The following CDC42BPB variants were observed in gnomAD, a reference collection of about 807,000 sequenced individuals.
The protein encoded by CDC42BPB is serine/threonine-protein kinase MRCK beta.
In CDC42BPB, 37 loss-of-function variants were observed where a neutral mutation model predicts 214.9. That is an observed-to-expected ratio of 0.17 (90% CI 0.13 to 0.23). The LOEUF is 0.23. CDC42BPB is among the 10% of genes least tolerant of loss of function. CDC42BPB has a pLI of 1.00. For synonymous variants in CDC42BPB, 931 were observed against 884.0 expected, an observed-to-expected ratio of 1.05 and a Z score of -0.94; for missense variants, 1,694 against 2,227.0, an observed-to-expected ratio of 0.76 and a Z score of 4.82.
Position 102,934,122 on chromosome 14 carries a change from C to T in CDC42BPB, c.5005-279G>A, listed in dbSNP as rs78341850. ...AGTGAAGAAATCAGATGGGGCCGGA[C>T]GCAGTGGCTCCTGCCTGTAATCCCA... On this transcript the variant is annotated intron_variant, in intron 36 of 36. Transcript: ENST00000361246. The T allele has an allele frequency of 6.9e-3, 5,705 of 827,440 alleles. 22 individuals are homozygous for T. Among genetic ancestry groups the T allele is most frequent in the East Asian group, 0.012 (217 of 17,436 alleles). The allele number at this position is 827,440 out of a possible 1,614,324, so 51.3% of individuals were successfully genotyped here. A position where few individuals can be genotyped will look rare whatever the true frequency, so the allele number is the denominator to read the frequency against.
intron 1 of CDC42BPB, among the ~76,000 whole-genome samples, chr14:103,053,221 A>G (rs894186629): frequency 6.6e-6 from 1 of 151,638 alleles, no homozygotes; most frequent in Non-Finnish European, 1.5e-5. Flanking sequence ...GGTGGCAGGC[A>G]CCTATAATCC....
rs559988761 is a variant in CDC42BPB, at chr14:103,053,589, GTC to G, written c.175+3408_175+3409del. Among the ~76,000 whole-genome samples, 4 of 150,660 alleles carry G rather than the reference GTC, an allele frequency of 2.7e-5. No individual in the cohort carries two copies. The South Asian group carries it at 6.3e-4, about 24-fold the overall frequency. On this transcript the variant is annotated intron_variant, in intron 1 of 36. Transcript: ENST00000361246. The stretch of plus-strand genomic sequence containing the variant: ...ATCCTGGCTAACACGGTGAAACCCC[GTC>G]TCTACTAAAAATACAAAAAAATTAG...
rs1357631483 is a variant in CDC42BPB at position 103,004,008 on chromosome 14, C to G, written c.367G>C (p.Glu123Gln). 1 of 1,604,658 alleles carries G rather than the reference C, an allele frequency of 6.2e-7. No individual in the cohort carries two copies. The highest frequency in any genetic ancestry group is 8.5e-7 in the Non-Finnish European group (1 of 1,178,634). ...CCGTTCACCAGCACATCGCGCTCCT[C>G]TCGGAAGCACGCGGTCTGCAAAGCA... ...LKRAETACFR[E>Q]ERDVLVNGDC... The change falls in exon 4 of 37, where the codon GAG becomes CAG. Residue 123 changes from glutamate to glutamine, a missense_variant. Physicochemically the swap from Glu to Gln is conservative, Grantham distance 29 (BLOSUM62 2). This residue lies in a region of CDC42BPB where 225 missense variants were observed against 459.3 expected (regional missense o/e 0.49). Transcript: ENST00000361246. This position sits in a 1 kb window ranked among gnomAD's most constrained non-coding sequence, Gnocchi z 5.3.
intron 1 of CDC42BPB, among the ~76,000 whole-genome samples, chr14:103,025,675 A>C (rs1887010738): frequency 1.3e-5 from 2 of 151,882 alleles, no homozygotes; most frequent in South Asian, 4.2e-4. Context: ...AAAATTAGCC[A>C]GGCGTGGTGG....
At chr14:103,033,473 C>T (rs770835968) in intron 1 of CDC42BPB, among the ~76,000 whole-genome samples, 33 of 152,140 alleles carry the variant, frequency 2.2e-4, no homozygotes, top group Non-Finnish European at 3.8e-4. Context: ...CCACCCACCT[C>T]GGCCTCCCAA....
At chr14:102,974,826 T>TG (rs897782630) in intron 11 of CDC42BPB, among the ~76,000 whole-genome samples, 10 of 151,884 alleles carry the variant, frequency 6.6e-5, no homozygotes, top group African/African-American at 2.4e-4. Flanking sequence ...CCAGGCGTGG[T>TG]GGGGGGCTAC....
At chr14:103,053,761 CAA>C (rs1264978955) in intron 1 of CDC42BPB, among the ~76,000 whole-genome samples, 15 of 73,918 alleles carry the variant, frequency 2.0e-4, no homozygotes, top group African/African-American at 1.5e-4. Context: ...GACTCCGTCT[CAA>C]AAAAAAAAAA....
At chr14:103,045,468 C>T (rs566390400) in intron 1 of CDC42BPB, among the ~76,000 whole-genome samples, 5 of 151,850 alleles carry the variant, frequency 3.3e-5, no homozygotes, top group East Asian at 1.9e-4. Context: ...CTCCCAGCCC[C>T]GAGGAGCAGG....
intron 5 of CDC42BPB, among the ~76,000 whole-genome samples, chr14:102,995,278 A>G (rs1403589083): frequency 6.6e-6 from 1 of 151,798 alleles, no homozygotes; most frequent in Non-Finnish European, 1.5e-5. Flanking sequence ...GGGTTCAAGC[A>G]GTCCTCCTGC....
intron 5 of CDC42BPB, among the ~76,000 whole-genome samples, chr14:102,992,778 TA>T (rs1189752296): frequency 6.1e-5 from 9 of 148,380 alleles, no homozygotes; most frequent in East Asian, 1.9e-4. Flanking sequence ...AAATATATAT[TA>T]AAAATATATA....
chr14:102,996,698 G>C (rs1413729509), intron 5 of CDC42BPB, among the ~76,000 whole-genome samples: 2 of 151,470 alleles, frequency 1.3e-5, no homozygotes, highest in African/African-American at 4.9e-5. Context: ...TGTAATCCTA[G>C]CTACTCGGGA....
intron 36 of CDC42BPB, among the ~76,000 whole-genome samples, chr14:102,936,200 A>G (rs138339572): frequency 6.6e-6 from 1 of 152,232 alleles, no homozygotes; most frequent in African/African-American, 2.4e-5. Context: ...GGTTCCTCAA[A>G]AAGTTAAACA....
chr14:103,033,413 G>A (rs1036391019), intron 1 of CDC42BPB, among the ~76,000 whole-genome samples: 6 of 151,882 alleles, frequency 4.0e-5, no homozygotes, highest in Admixed American at 3.3e-4. Flanking sequence ...TAGTAGAGAC[G>A]GGGTTTCACT....
intron 34 of CDC42BPB, among the ~76,000 whole-genome samples, chr14:102,939,088 C>T (rs746641861): frequency 1.1e-4 from 16 of 152,132 alleles, no homozygotes; most frequent in African/African-American, 1.4e-4. Flanking sequence ...AGGCACCTGC[C>T]GCCACACCCA....
intron 17 of CDC42BPB, 108 bp from the exon 18 acceptor site, chr14:102,966,495 C>T (rs978254213): frequency 7.9e-6 from 12 of 1,515,100 alleles, no homozygotes; most frequent in South Asian, 1.2e-5. Context: ...CACAGTGTCA[C>T]GTCAGCTAGA....
chr14:102,975,370 A>G (rs1045970118), intron 11 of CDC42BPB, among the ~76,000 whole-genome samples: 1 of 152,106 alleles, frequency 6.6e-6, no homozygotes, highest in East Asian at 1.9e-4. Context: ...CTAAAAATAC[A>G]AAATTAGCCG....
chr14:102,948,022 C>G (rs1367816746), intron 26 of CDC42BPB: 1 of 954,716 alleles, frequency 1.0e-6, no homozygotes, highest in East Asian at 1.2e-4. Context: ...CAAGGGAAAC[C>G]CCGGAGCCTC....
intron 1 of CDC42BPB, among the ~76,000 whole-genome samples, chr14:103,052,475 A>G (rs1888662054): frequency 6.6e-6 from 1 of 152,078 alleles, no homozygotes. Context: ...GCACCGTGTC[A>G]GTTAAGCCTT....
In CDC42BPB at chr14:102,944,760, A is replaced by ACTGAGGGGTGTG; in HGVS notation, c.3812-274_3812-273insCACACCCCTCAG. Reference sequence around the variant, plus strand: ...GGCTCCTCTGCCTCTGCTGCTGTGCACACCCCTCAGTGCACCAGGGCTCCA... The same window carrying ACTGAGGGGTGTG: ...GGCTCCTCTGCCTCTGCTGCTGTGCACTGAGGGGTGTGCACCCCTCAGTGCACCAGGGCTCCA... On this transcript the variant is annotated intron_variant, in intron 29 of 36. Transcript: ENST00000361246. This position sits in a 1 kb window ranked among gnomAD's most constrained non-coding sequence, Gnocchi z 6.6. The ACTGAGGGGTGTG allele has an allele frequency of 6.8e-6, 5 of 737,574 alleles. No homozygotes were observed. The highest frequency in any genetic ancestry group is 6.0e-5 in the South Asian group (1 of 16,544). 45.7% of individuals were successfully genotyped at this position (737,574 alleles called of 1,614,324 possible).
Sources: allele counts gnomAD v4.1 joint callset (sites outside exome capture counted in the v4.1 genomes callset), GRCh38; gene constraint gnomAD v4.1.1; regional missense constraint gnomAD v4.1.1; non-coding constraint Gnocchi (gnomAD v3.1); transcripts MANE v1.5; gene names NCBI Gene and HGNC (gene_info 2026-07-23, HGNC 2026-07-21).